The following ZNF215 variants were observed in gnomAD, a reference collection of about 807,000 sequenced individuals.
The protein encoded by ZNF215 is BWSCR2-associated zinc finger protein 2.
Under a neutral mutation model 27.2 loss-of-function variants are expected in ZNF215, and 24 were observed. That is an observed-to-expected ratio of 0.88 (90% CI 0.64 to 1.24). The LOEUF is 1.24. Among genes scored for constraint, ZNF215 ranks in the 50% most tolerant of loss-of-function variants. ZNF215 has a pLI of 0.00. For missense variants in ZNF215, 675 were observed against 605.7 expected (o/e 1.11, Z -1.20); for synonymous variants, 210 against 204.0 (o/e 1.03, Z -0.25).
At chr11:6,981,072 A>G (rs1217435194) in intron 5 of ZNF215, among the ~76,000 whole-genome samples, 13 of 151,718 alleles carry the variant, frequency 8.6e-5, no homozygotes, top group Admixed American at 3.9e-4. Context: ...ATAAACATAC[A>G]TGTGCATGTG....
At chr11:6,943,048 G>A (rs747952736) in intron 4 of ZNF215, 35 bp from the exon 5 acceptor site, 1 of 1,599,356 alleles carries the variant, frequency 6.3e-7, no homozygotes, top group African/African-American at 1.3e-5. Flanking sequence ...TTTGGGGAGT[G>A]ACACCTTTGA....
intron 5 of ZNF215, among the ~76,000 whole-genome samples, chr11:6,980,811 C>G (rs1213115418): frequency 9.1e-4 from 130 of 143,210 alleles, no homozygotes; most frequent in Non-Finnish European, 1.4e-3. Context: ...TTCCTGTGTC[C>G]ATGTGTTCTC....
chr11:6,994,145 A>G (rs967403771), intron 6 of ZNF215, among the ~76,000 whole-genome samples: 3 of 151,468 alleles, frequency 2.0e-5, no homozygotes, highest in African/African-American at 7.3e-5. Context: ...TTGTCTTGTG[A>G]GTTCAGTATT....
downstream of ZNF215, among the ~76,000 whole-genome samples, chr11:6,985,175 C>T (rs770378332): frequency 6.6e-6 from 1 of 152,110 alleles, no homozygotes; most frequent in Non-Finnish European, 1.5e-5. Context: ...CCAAATCCAG[C>T]AGCACACCAA....
chr11:6,942,094 A>C (rs1404714418), intron 4 of ZNF215, among the ~76,000 whole-genome samples: 1 of 152,222 alleles, frequency 6.6e-6, no homozygotes, highest in Non-Finnish European at 1.5e-5. Context: ...GGGTCAAAAT[A>C]ATACAGCCCA....
At chr11:6,976,088 G>A (rs185570260) in intron 5 of ZNF215, among the ~76,000 whole-genome samples, 2 of 152,112 alleles carry the variant, frequency 1.3e-5, no homozygotes, top group South Asian at 2.1e-4. Flanking sequence ...GCATTTCTCT[G>A]ATCAATGATG....
At chr11:6,983,786 A>C (rs1851009113) in intron 5 of ZNF215, among the ~76,000 whole-genome samples, 1 of 152,170 alleles carries the variant, frequency 6.6e-6, no homozygotes, top group Non-Finnish European at 1.5e-5. Context: ...AGGAAGTGCT[A>C]ATATCTCTAA....
chr11:6,946,985 T>G (rs1033656317), intron 6 of ZNF215, among the ~76,000 whole-genome samples: 4 of 152,358 alleles, frequency 2.6e-5, no homozygotes, highest in Admixed American at 2.6e-4. Context: ...TAACATCTTA[T>G]TTAAATTCTG....
At chr11:6,977,153 C>T (rs1850850969) in intron 5 of ZNF215, among the ~76,000 whole-genome samples, 1 of 152,010 alleles carries the variant, frequency 6.6e-6, no homozygotes, top group South Asian at 2.1e-4. Flanking sequence ...CAGTAGTCCC[C>T]CCTTTTCCAT....
At chr11:6,939,866 A>G (rs555884049) in intron 3 of ZNF215, among the ~76,000 whole-genome samples, 8 of 152,158 alleles carry the variant, frequency 5.3e-5, no homozygotes, top group Non-Finnish European at 1.2e-4. Flanking sequence ...ACAACATTGT[A>G]TTGATTGTCC....
chr11:6,937,988 AATAG>A (rs1233103962), intron 3 of ZNF215, among the ~76,000 whole-genome samples: 106 of 152,140 alleles, frequency 7.0e-4, no homozygotes, highest in African/African-American at 2.4e-3. Flanking sequence ...CAAAAGAAAA[AATAG>A]ATAAATTAGA....
downstream of ZNF215, among the ~76,000 whole-genome samples, chr11:6,987,664 A>T (rs1851074197): frequency 1.3e-5 from 2 of 152,232 alleles, no homozygotes; most frequent in African/African-American, 4.8e-5. Flanking sequence ...AACTCAGAGA[A>T]ACTAGTCACA....
chr11:6,940,269 G>C (rs1849590383), intron 3 of ZNF215, among the ~76,000 whole-genome samples: 2 of 151,336 alleles, frequency 1.3e-5, no homozygotes, highest in South Asian at 4.2e-4. Flanking sequence ...CATAATATTT[G>C]CAGCATTCAC....
intron 5 of ZNF215, among the ~76,000 whole-genome samples, chr11:6,982,977 T>A (rs1168200944): frequency 4.0e-5 from 6 of 149,652 alleles, no homozygotes; most frequent in African/African-American, 1.5e-4. Flanking sequence ...GAGCTGGTTT[T>A]TTGAAAGGAT....
At chr11:6,963,751 T>C (rs1850562830) in intron 5 of ZNF215, among the ~76,000 whole-genome samples, 1 of 152,108 alleles carries the variant, frequency 6.6e-6, no homozygotes, top group Non-Finnish European at 1.5e-5. Flanking sequence ...ATTCTGACCA[T>C]AATGGATGAG....
intron 5 of ZNF215, among the ~76,000 whole-genome samples, chr11:6,964,572 C>G (rs1850579164): frequency 6.6e-6 from 1 of 151,952 alleles, no homozygotes; most frequent in Non-Finnish European, 1.5e-5. Context: ...CAGTCCATTT[C>G]TGGAGTCTGT....
intron 5 of ZNF215, among the ~76,000 whole-genome samples, chr11:6,974,503 G>C (rs1449023879): frequency 6.6e-6 from 1 of 152,112 alleles, no homozygotes; most frequent in Non-Finnish European, 1.5e-5. Context: ...CCATTTTCAT[G>C]ATATTGATTC....
Position 6,958,045 on chromosome 11 carries a change from C to T in ZNF215, c.*1514C>T. 1.0e-6 allele frequency: 1 copy of T among 985,362 alleles called. No homozygotes were observed. The highest frequency in any genetic ancestry group is 1.2e-6 in the Non-Finnish European group (1 of 829,912). The allele number at this position is 985,362 out of a possible 1,614,324, so 61.0% of individuals were successfully genotyped here. On this transcript the variant is annotated 3_prime_UTR_variant, in exon 7 of 7. Coordinates refer to ENST00000278319, the MANE Select transcript of ZNF215 (RefSeq NM_013250.4). ...TCCTATGATTAAATAATGTCAAAAT[C>T]TATGTTTGTTCATCCTTTATATTGC...
chr11:6,988,004 T>C (rs1851078306), downstream of ZNF215, among the ~76,000 whole-genome samples: 1 of 152,160 alleles, frequency 6.6e-6, no homozygotes, highest in Non-Finnish European at 1.5e-5. Context: ...AAACCTCACT[T>C]ATCAACTATA....
Sources: allele counts gnomAD v4.1 joint callset (sites outside exome capture counted in the v4.1 genomes callset), GRCh38; gene constraint gnomAD v4.1.1; transcripts MANE v1.5; gene names NCBI Gene and HGNC (gene_info 2026-07-23, HGNC 2026-07-21).